Variants in C8orf34 observed in about 807,000 individuals in gnomAD.
C8orf34 encodes the protein uncharacterized protein C8orf34.
A neutral mutation model predicts 68.3 loss-of-function variants in C8orf34; 65 were observed. The ratio of observed to expected loss-of-function variants is 0.95; its 90% CI spans 0.78 to 1.17. C8orf34 has a LOEUF of 1.17. C8orf34 is among the 50% of genes most tolerant of loss of function. C8orf34 has a pLI of 0.00. For synonymous variants in C8orf34, 244 were observed against 241.2 expected, an observed-to-expected ratio of 1.01 and a Z score of -0.11; for missense variants, 664 against 655.4, an observed-to-expected ratio of 1.01 and a Z score of -0.14.
intron 5 of C8orf34, among the ~76,000 whole-genome samples, chr8:68,488,256 A>G (rs573313129): frequency 2.0e-5 from 3 of 152,326 alleles, no homozygotes; most frequent in Admixed American, 2.0e-4. Flanking sequence ...TTTTGAGTCA[A>G]GGCCTTTAGA....
Position 68,549,843 on chromosome 8 carries a change from T to C in C8orf34, c.1105+16694T>C, listed in dbSNP as rs529099115. Among the ~76,000 whole-genome samples, 16 of 151,934 alleles carry C rather than the reference T, an allele frequency of 1.1e-4. No individual in the cohort carries two copies. The South Asian group carries it at 3.3e-3, about 32-fold the overall frequency. The stretch of plus-strand genomic sequence containing the variant: ...CTTGACTAATCAACTCCTTTATTGT[T>C]CTAAGCCCCTCTTTTATCCCTGATA... On this transcript the variant is annotated intron_variant, in intron 7 of 13. Coordinates refer to ENST00000518698, the MANE Select transcript of C8orf34 (RefSeq NM_052958.4).
chr8:68,408,246 C>A (rs540216147), intron 1 of C8orf34, among the ~76,000 whole-genome samples: 76 of 151,690 alleles, frequency 5.0e-4, no homozygotes, highest in African/African-American at 1.8e-3. Context: ...TCTCCCATCA[C>A]CCCCAGATGG....
intron 1 of C8orf34, among the ~76,000 whole-genome samples, chr8:68,353,607 C>T (rs1467788953): frequency 7.0e-6 from 1 of 143,130 alleles, no homozygotes; most frequent in Non-Finnish European, 1.5e-5. Context: ...TATACACACA[C>T]ATATATATAT....
intron 8 of C8orf34, among the ~76,000 whole-genome samples, chr8:68,653,392 A>G (rs1819419377): frequency 6.6e-6 from 1 of 152,182 alleles, no homozygotes; most frequent in Non-Finnish European, 1.5e-5. Flanking sequence ...CGGTTCCTGT[A>G]TTTTAGTTTA....
chr8:68,697,088 G>A (rs1472427037), intron 8 of C8orf34, among the ~76,000 whole-genome samples: 2 of 151,728 alleles, frequency 1.3e-5, no homozygotes, highest in Admixed American at 1.3e-4. Flanking sequence ...TGACTATATG[G>A]TAGATTTTTG....
At chr8:68,645,548 G>T (rs1819143327) in intron 8 of C8orf34, among the ~76,000 whole-genome samples, 1 of 152,058 alleles carries the variant, frequency 6.6e-6, no homozygotes, top group Admixed American at 6.6e-5. Flanking sequence ...AAGTGGCAAT[G>T]TTTTTGTTTG....
chr8:68,752,235 A>G (rs1269682943), intron 10 of C8orf34, among the ~76,000 whole-genome samples: 1 of 152,078 alleles, frequency 6.6e-6, no homozygotes, highest in Non-Finnish European at 1.5e-5. Flanking sequence ...TTTACCTTCC[A>G]CAGATTGTGC....
chr8:68,727,437 T>G (rs7834973), intron 10 of C8orf34, among the ~76,000 whole-genome samples: 53,065 of 151,962 alleles, frequency 0.35, 9,528 homozygotes, highest in Non-Finnish European at 0.4. Flanking sequence ...TGGCGCAAGC[T>G]GTCAGTGGAT....
At chr8:68,717,553 G>A (rs1821511748) in intron 9 of C8orf34, among the ~76,000 whole-genome samples, 1 of 152,028 alleles carries the variant, frequency 6.6e-6, no homozygotes, top group Non-Finnish European at 1.5e-5. Flanking sequence ...GAGGAGGCTG[G>A]GTGATGGGAT....
At chr8:68,644,959 G>A (rs1819122008) in intron 8 of C8orf34, among the ~76,000 whole-genome samples, 1 of 152,208 alleles carries the variant, frequency 6.6e-6, no homozygotes, top group African/African-American at 2.4e-5. Context: ...CCATACATTG[G>A]ATTTTAGCCT....
chr8:68,539,931 T>G (rs1006225688), intron 7 of C8orf34, among the ~76,000 whole-genome samples: 4 of 143,738 alleles, frequency 2.8e-5, no homozygotes, highest in African/African-American at 1.1e-4. Context: ...TCAATTATTT[T>G]CAACATCTGA....
chr8:68,606,293 G>A (rs1256169735), intron 7 of C8orf34, among the ~76,000 whole-genome samples: 12 of 152,064 alleles, frequency 7.9e-5, no homozygotes, highest in Non-Finnish European at 1.5e-5. Context: ...CTGGGTGCAG[G>A]AATTGTGTCT....
At chr8:68,777,218 G>A (rs1261214187) in intron 11 of C8orf34, among the ~76,000 whole-genome samples, 13 of 152,304 alleles carry the variant, frequency 8.5e-5, no homozygotes, top group Admixed American at 3.3e-4. Flanking sequence ...GTGGATCTGT[G>A]GGTGATAGGC....
intron 5 of C8orf34, among the ~76,000 whole-genome samples, chr8:68,502,565 G>A (rs1813826942): frequency 6.6e-6 from 1 of 152,130 alleles, no homozygotes; most frequent in African/African-American, 2.4e-5. Context: ...TTTGGGGGAG[G>A]TTAGGGGACC....
chr8:68,574,903 G>A (rs1311701236), intron 7 of C8orf34, among the ~76,000 whole-genome samples: 1 of 151,738 alleles, frequency 6.6e-6, no homozygotes, highest in East Asian at 1.9e-4. Flanking sequence ...AAAGCAAATA[G>A]GGAGTGTCTA....
chr8:68,361,845 T>C (rs1453396233), intron 1 of C8orf34, among the ~76,000 whole-genome samples: 1 of 152,238 alleles, frequency 6.6e-6, no homozygotes. Context: ...AATTTTTGTT[T>C]TGTACACAAA....
At chr8:68,395,380 C>T (rs375966821) in intron 1 of C8orf34, among the ~76,000 whole-genome samples, 3 of 151,502 alleles carry the variant, frequency 2.0e-5, no homozygotes, top group Admixed American at 6.6e-5. Context: ...CACACACACA[C>T]ACACACACAC....
intron 8 of C8orf34, among the ~76,000 whole-genome samples, chr8:68,666,800 T>C (rs1819856411): frequency 6.6e-6 from 1 of 152,214 alleles, no homozygotes; most frequent in Middle Eastern, 3.2e-3. Context: ...TTTTCCTTCT[T>C]TTGCATTTAA....
At chr8:68,427,772 C>A (rs1184032880) in intron 1 of C8orf34, among the ~76,000 whole-genome samples, 1 of 151,878 alleles carries the variant, frequency 6.6e-6, no homozygotes. Flanking sequence ...TATAATTTTT[C>A]AAGATATCAA....
Sources: allele counts gnomAD v4.1 joint callset (sites outside exome capture counted in the v4.1 genomes callset), GRCh38; gene constraint gnomAD v4.1.1; transcripts MANE v1.5; gene names NCBI Gene and HGNC (gene_info 2026-07-23, HGNC 2026-07-21).